RABGAP1L: variants seen among roughly 807,000 people sequenced by gnomAD.
RABGAP1L encodes the protein rab GTPase-activating protein 1-like.
A neutral mutation model predicts 137.7 loss-of-function variants in RABGAP1L; 63 were observed. The ratio of observed to expected loss-of-function variants is 0.46; its 90% CI spans 0.37 to 0.56. RABGAP1L has a LOEUF of 0.56. RABGAP1L is among the 20% of genes least tolerant of loss of function. The pLI is 0.00. For missense variants in RABGAP1L, 1,095 were observed against 1,244.0 expected, an observed-to-expected ratio of 0.88 and a Z score of 1.80; for synonymous variants, 431 against 433.7, an observed-to-expected ratio of 0.99 and a Z score of 0.08.
chr1:174,318,633 T>TTTCTTTCTTTCTTTC (rs1491526241), intron 11 of RABGAP1L, among the ~76,000 whole-genome samples: 3 of 110,082 alleles, frequency 2.7e-5, no homozygotes, highest in Admixed American at 9.1e-5. Context: ...TCTTTCTTTC[T>TTTCTTTCTTTCTTTC]TTTTCTTTCT....
chr1:174,991,844 C>T lies in RABGAP1L; in HGVS notation c.*1843C>T, dbSNP rs192834143. On this transcript the variant is annotated 3_prime_UTR_variant, in exon 26 of 26. Transcript: ENST00000681986. Reference sequence around the variant, plus strand: ...TATCTTGGCGCTTGTTTTTGTAAATCATTTAGTATAGGCTGTTAGCTTTAC... The same window carrying T: ...TATCTTGGCGCTTGTTTTTGTAAATTATTTAGTATAGGCTGTTAGCTTTAC... 1 of 144,226 alleles carries T rather than the reference C, an allele frequency of 6.9e-6. No individual in the cohort carries two copies. Among genetic ancestry groups the T allele is most frequent in the Admixed American group, 7.2e-5 (1 of 13,972 alleles). The allele number at this position is 144,226 out of a possible 1,614,324, so 8.9% of individuals were successfully genotyped here. A position where few individuals can be genotyped will look rare whatever the true frequency, so the allele number is the denominator to read the frequency against.
intron 17 of RABGAP1L, among the ~76,000 whole-genome samples, chr1:174,718,268 A>G (rs956411495): frequency 2.0e-5 from 3 of 152,216 alleles, no homozygotes; most frequent in Non-Finnish European, 4.4e-5. Context: ...GTTGAAGAAG[A>G]AAGGGAAAGA....
chr1:174,415,706 C>T (rs1030835738), intron 13 of RABGAP1L, among the ~76,000 whole-genome samples: 12 of 152,056 alleles, frequency 7.9e-5, no homozygotes, highest in African/African-American at 2.2e-4. Flanking sequence ...AATTTTTCTA[C>T]CCATCTGTCT....
intron 11 of RABGAP1L, among the ~76,000 whole-genome samples, chr1:174,309,894 C>G (rs1366507964): frequency 5.9e-5 from 9 of 152,042 alleles, no homozygotes; most frequent in Admixed American, 5.2e-4. Context: ...TGGAATTACT[C>G]TGTTCTCTTG....
At chr1:174,481,256 G>C (rs145188067) in intron 13 of RABGAP1L, among the ~76,000 whole-genome samples, 8 of 152,332 alleles carry the variant, frequency 5.3e-5, no homozygotes, top group African/African-American at 9.6e-5. Flanking sequence ...TAAAACTCCA[G>C]TGACTTATCT....
At chr1:174,203,235 T>A (rs1402121386) in intron 1 of RABGAP1L, among the ~76,000 whole-genome samples, 1 of 152,214 alleles carries the variant, frequency 6.6e-6, no homozygotes, top group African/African-American at 2.4e-5. Context: ...CTAGCCAGTT[T>A]ATCCCATCAC....
intron 18 of RABGAP1L, among the ~76,000 whole-genome samples, chr1:174,786,054 T>G (rs970809386): frequency 6.6e-6 from 1 of 152,224 alleles, no homozygotes; most frequent in South Asian, 2.1e-4. Context: ...TCAAACACCT[T>G]ATGCATTTAC....
At position 174,615,911 on chromosome 1, in the gene RABGAP1L, C is replaced by T. The variant is rs1044624175; in HGVS notation, c.1711-21464C>T. ...TGCAGGATATAATCTCCTGGTGCGC[C>T]GTTTTTTAAGCCCGTTGGAAAAGTG... On this transcript the variant is annotated intron_variant, in intron 13 of 25. Coordinates refer to ENST00000681986, the MANE Select transcript of RABGAP1L (RefSeq NM_001366446.1). Among the ~76,000 whole-genome samples, 20 of 152,338 alleles carry T rather than the reference C, an allele frequency of 1.3e-4. No homozygotes were observed. The East Asian group carries it at 2.7e-3, about 21-fold the overall frequency.
chr1:174,844,929 G>T (rs1043181852), intron 19 of RABGAP1L, among the ~76,000 whole-genome samples: 9 of 123,950 alleles, frequency 7.3e-5, no homozygotes, highest in Non-Finnish European at 1.5e-4. Flanking sequence ...TCTCCTTGAA[G>T]AGGTCCTTCA....
At chr1:174,748,120 A>G (rs1195138722) in intron 17 of RABGAP1L, among the ~76,000 whole-genome samples, 1 of 152,092 alleles carries the variant, frequency 6.6e-6, no homozygotes, top group Non-Finnish European at 1.5e-5. Context: ...AGAGATCTTT[A>G]TTTACTTAAT....
intron 19 of RABGAP1L, among the ~76,000 whole-genome samples, chr1:174,928,711 A>T (rs556678078): frequency 2.0e-5 from 3 of 152,074 alleles, no homozygotes; most frequent in African/African-American, 7.2e-5. Context: ...CTTTATGAAG[A>T]AGCTTTTTCT....
At chr1:174,708,585 C>G (rs1463227381) in intron 17 of RABGAP1L, among the ~76,000 whole-genome samples, 2 of 152,284 alleles carry the variant, frequency 1.3e-5, no homozygotes, top group Non-Finnish European at 1.5e-5. Context: ...GTAAAGTACT[C>G]TGCCATGAGG....
At position 174,187,138 on chromosome 1, in the gene RABGAP1L, C is replaced by A. The variant is rs1666864176; in HGVS notation, c.-34+27481C>A. Among the ~76,000 whole-genome samples, 5 of 152,100 alleles carry A rather than the reference C, an allele frequency of 3.3e-5. No homozygotes were observed. In the South Asian group the frequency reaches 1.0e-3, roughly 32 times the overall value. ...TTGGCTGGCCCAGATCTTTTGAGGT[C>A]TCTTCTCAAATGTTCTGTCCTCAGA... is the stretch of plus-strand genomic sequence containing the variant. On this transcript the variant is annotated intron_variant, in intron 1 of 25. Coordinates refer to ENST00000681986, the MANE Select transcript of RABGAP1L (RefSeq NM_001366446.1).
At chr1:174,468,576 G>A (rs1042883492) in intron 13 of RABGAP1L, among the ~76,000 whole-genome samples, 2 of 152,134 alleles carry the variant, frequency 1.3e-5, no homozygotes, top group Admixed American at 1.3e-4. Context: ...AGCGTGGGCA[G>A]ATATTTTTGT....
intron 13 of RABGAP1L, among the ~76,000 whole-genome samples, chr1:174,480,428 C>A (rs1480834235): frequency 1.3e-5 from 2 of 152,130 alleles, no homozygotes; most frequent in Admixed American, 6.6e-5. Context: ...CAGTGATATA[C>A]CCAAAAATGG....
chr1:174,498,493 A>G (rs1660946552), intron 13 of RABGAP1L, among the ~76,000 whole-genome samples: 1 of 151,588 alleles, frequency 6.6e-6, no homozygotes, highest in African/African-American at 2.4e-5. Flanking sequence ...TTTTATTTTT[A>G]TTTTTTATTT....
At chr1:174,666,454 T>C (rs1352360390) in intron 14 of RABGAP1L, among the ~76,000 whole-genome samples, 2 of 152,122 alleles carry the variant, frequency 1.3e-5, no homozygotes, top group Admixed American at 6.5e-5. Flanking sequence ...TGGAGAAACA[T>C]GTGTCAGAGT....
intron 13 of RABGAP1L, among the ~76,000 whole-genome samples, chr1:174,578,210 A>G (rs906605564): frequency 6.6e-6 from 1 of 152,190 alleles, no homozygotes; most frequent in Non-Finnish European, 1.5e-5. Context: ...TTATTGAGAC[A>G]GTCTCACTCT....
At chr1:174,886,287 C>T (rs1315858919) in intron 19 of RABGAP1L, among the ~76,000 whole-genome samples, 2 of 152,162 alleles carry the variant, frequency 1.3e-5, no homozygotes, top group Admixed American at 6.5e-5. Flanking sequence ...GCTCAGATTA[C>T]AGGCGTAAGC....
Sources: allele counts gnomAD v4.1 joint callset (sites outside exome capture counted in the v4.1 genomes callset), GRCh38; gene constraint gnomAD v4.1.1; transcripts MANE v1.5; gene names NCBI Gene and HGNC (gene_info 2026-07-23, HGNC 2026-07-21).